The following TTC28 variants were observed in gnomAD, a reference collection of about 807,000 sequenced individuals.
TTC28 encodes the protein tetratricopeptide repeat domain 28, also known as tetratricopeptide repeat protein 28.
A neutral mutation model predicts 198.0 loss-of-function variants in TTC28; 61 were observed. That is an observed-to-expected ratio of 0.31 (90% CI 0.25 to 0.38). The LOEUF (loss-of-function observed/expected upper bound fraction) is 0.38. Ranked by LOEUF, TTC28 falls within the 10% of genes least tolerant of loss-of-function variation. The probability of loss-of-function intolerance (pLI) is 1.00; values close to 1 mark genes in which losing one functional copy is unlikely to be tolerated. For missense variants in TTC28, 2,678 were observed against 3,164.0 expected (o/e 0.85, Z 3.69); for synonymous variants, 1,171 against 1,297.8 (o/e 0.90, Z 2.10).
chr22:28,413,299 G>A (rs1009438920), intron 2 of TTC28, among the ~76,000 whole-genome samples: 4 of 151,898 alleles, frequency 2.6e-5, no homozygotes, highest in South Asian at 2.1e-4. Context: ...TTAGCTGGGC[G>A]TGGTGGCAGG....
chr22:28,569,474 T>C (rs1382780436), intron 2 of TTC28, among the ~76,000 whole-genome samples: 1 of 152,128 alleles, frequency 6.6e-6, no homozygotes, highest in Non-Finnish European at 1.5e-5. Flanking sequence ...CCCTATTCAA[T>C]AAATGGTGCT....
chr22:28,330,929 G>A (rs1281470684), intron 2 of TTC28, among the ~76,000 whole-genome samples: 2 of 152,092 alleles, frequency 1.3e-5, no homozygotes, highest in Non-Finnish European at 2.9e-5. Context: ...GTATTTTTAG[G>A]TCAGTTATCT....
intron 2 of TTC28, among the ~76,000 whole-genome samples, chr22:28,490,559 G>A (rs1285827603): frequency 3.3e-5 from 5 of 152,146 alleles, no homozygotes; most frequent in South Asian, 4.1e-4. Flanking sequence ...AAATACTGGT[G>A]GATAGAACTA....
At chr22:28,108,781 T>G (rs1357277259) in intron 6 of TTC28, among the ~76,000 whole-genome samples, 1 of 152,220 alleles carries the variant, frequency 6.6e-6, no homozygotes, top group Non-Finnish European at 1.5e-5. Context: ...TTTACTAAAA[T>G]AGGCGAAGAC....
chr22:27,997,462 T>G (rs1241226253), intron 16 of TTC28: 1 of 152,236 alleles, frequency 6.6e-6, no homozygotes, highest in African/African-American at 2.4e-5. Context: ...CAGCCACCCC[T>G]GCAGCTGTGT....
chr22:28,475,841 G>T (rs1407083172), intron 2 of TTC28, among the ~76,000 whole-genome samples: 2 of 152,146 alleles, frequency 1.3e-5, no homozygotes, highest in Non-Finnish European at 2.9e-5. Flanking sequence ...ATAGTGTACA[G>T]GATGGGTTGC....
chr22:28,007,809 G>A (rs1316503614), intron 14 of TTC28: 1 of 152,198 alleles, frequency 6.6e-6, no homozygotes, highest in African/African-American at 2.4e-5. Context: ...CACTTACCAC[G>A]TGAGATCTTG....
At chr22:28,099,193 G>A (rs1942066993) in intron 9 of TTC28, 149 bp from the exon 10 acceptor site, 1 of 1,122,810 alleles carries the variant, frequency 8.9e-7, no homozygotes, top group Admixed American at 2.6e-5. Context: ...CCAGGTGTAA[G>A]GAAAAATGGA....
At chr22:28,041,337 G>A (rs1292142193) in intron 12 of TTC28, among the ~76,000 whole-genome samples, 9 of 152,042 alleles carry the variant, frequency 5.9e-5, no homozygotes, top group African/African-American at 1.7e-4. Context: ...AAACTATACT[G>A]CAAGGCTACA....
chr22:28,134,785 T>C (rs1943158587), intron 6 of TTC28, among the ~76,000 whole-genome samples: 1 of 152,218 alleles, frequency 6.6e-6, no homozygotes, highest in African/African-American at 2.4e-5. Context: ...CAGGATATTA[T>C]CCAGGAGAAC....
chr22:28,503,767 T>C (rs532417878), intron 2 of TTC28, among the ~76,000 whole-genome samples: 4 of 152,160 alleles, frequency 2.6e-5, no homozygotes, highest in Admixed American at 6.5e-5. Flanking sequence ...CTGGCAAAAA[T>C]TAATAAGTAG....
chr22:28,257,275 G>A (rs978799100), intron 5 of TTC28, among the ~76,000 whole-genome samples: 11 of 151,938 alleles, frequency 7.2e-5, no homozygotes, highest in Non-Finnish European at 1.3e-4. Context: ...AAAGGAAATC[G>A]ACATATCAAA....
chr22:28,097,451 G>A (rs1320015129), intron 10 of TTC28, among the ~76,000 whole-genome samples: 1 of 152,156 alleles, frequency 6.6e-6, no homozygotes, highest in Non-Finnish European at 1.5e-5. Flanking sequence ...AAGGTCTCTA[G>A]TTCTTTAAAA....
chr22:28,211,155 C>T (rs1162281240), intron 5 of TTC28, among the ~76,000 whole-genome samples: 1 of 152,140 alleles, frequency 6.6e-6, no homozygotes, highest in African/African-American at 2.4e-5. Context: ...AAAGGAACAA[C>T]CGGTACCAAC....
At chr22:28,486,949 G>A (rs562982975) in intron 2 of TTC28, among the ~76,000 whole-genome samples, 82 of 152,226 alleles carry the variant, frequency 5.4e-4, no homozygotes, top group African/African-American at 1.9e-3. Context: ...AAATGTTTGA[G>A]ATTTACTGTT....
chr22:28,618,767 AT>A (rs994264933), intron 2 of TTC28, among the ~76,000 whole-genome samples: 5 of 152,062 alleles, frequency 3.3e-5, no homozygotes, highest in African/African-American at 9.7e-5. Context: ...AAGAAAAAAA[AT>A]CAACTAAATA....
intron 12 of TTC28, among the ~76,000 whole-genome samples, chr22:28,053,090 C>G (rs1045626072): frequency 6.6e-6 from 1 of 152,224 alleles, no homozygotes; most frequent in Non-Finnish European, 1.5e-5. Context: ...TGCTAGAGAA[C>G]CTGTCTACAT....
chr22:28,392,527 C>A (rs1456315123), intron 2 of TTC28, among the ~76,000 whole-genome samples: 1 of 152,164 alleles, frequency 6.6e-6, no homozygotes, highest in Non-Finnish European at 1.5e-5. Flanking sequence ...AAGCCAGGTG[C>A]GGGATATAAT....
At chr22:28,211,660 T>C (rs1452058747) in intron 5 of TTC28, among the ~76,000 whole-genome samples, 2 of 151,990 alleles carry the variant, frequency 1.3e-5, no homozygotes, top group African/African-American at 4.8e-5. Context: ...CAAAGAGACT[T>C]AGATTCCAAA....
Sources: allele counts gnomAD v4.1 joint callset (sites outside exome capture counted in the v4.1 genomes callset), GRCh38; gene constraint gnomAD v4.1.1; transcripts MANE v1.5; gene names NCBI Gene and HGNC (gene_info 2026-07-23, HGNC 2026-07-21).